RB1: variants seen among roughly 807,000 people sequenced by gnomAD.
RB1 encodes RB transcriptional corepressor 1.
In RB1, 18 loss-of-function variants were observed where a neutral mutation model predicts 135.4. The observed-to-expected ratio is 0.13, with a 90% confidence interval of 0.09 to 0.20. The LOEUF is 0.20. RB1 is among the 10% of genes least tolerant of loss of function. The pLI, the probability that RB1 is intolerant of heterozygous loss-of-function variation, is 1.00. For missense variants in RB1, 868 were observed against 1,110.0 expected, an observed-to-expected ratio of 0.78 and a Z score of 3.10; for synonymous variants, 365 against 373.2, an observed-to-expected ratio of 0.98 and a Z score of 0.25.
intron 17 of RB1, among the ~76,000 whole-genome samples, chr13:48,449,225 G>T (rs986870667): frequency 6.6e-6 from 1 of 151,412 alleles, no homozygotes; most frequent in Non-Finnish European, 1.5e-5. Flanking sequence ...GGAAATATTT[G>T]ATTGCCACTC....
At chr13:48,413,650 C>T (rs547980115) in intron 17 of RB1, among the ~76,000 whole-genome samples, 2 of 152,244 alleles carry the variant, frequency 1.3e-5, no homozygotes, top group African/African-American at 4.8e-5. Context: ...TCCTGGGTCT[C>T]ATTAGTTTTT....
In RB1 at chr13:48,480,291, T is replaced by A. The variant is rs1949530829; in HGVS notation, c.*220T>A. 1 of 566,580 alleles carries A rather than the reference T, an allele frequency of 1.8e-6. No individual in the cohort carries two copies. Among genetic ancestry groups the A allele is most frequent in the South Asian group, 2.1e-5 (1 of 48,714 alleles). The allele number at this position is 566,580 out of a possible 1,614,324, so 35.1% of individuals were successfully genotyped here. ...TACAAGATTGAAAATCTTGTGTAAATCCTGCCATTTAAAAAGTTGTAGCAG... is the reference window on the plus strand; with the variant it reads ...TACAAGATTGAAAATCTTGTGTAAAACCTGCCATTTAAAAAGTTGTAGCAG... On this transcript the variant is annotated 3_prime_UTR_variant, in exon 27 of 27. Transcript: ENST00000267163.
intron 2 of RB1, chr13:48,317,405 A>ACCC (rs1952195103): frequency 2.7e-6 from 1 of 372,410 alleles, no homozygotes; most frequent in Non-Finnish European, 4.9e-6. Flanking sequence ...CGGTGGGTGA[A>ACCC]GTCGCTCGAG....
At chr13:48,415,762 G>C (rs1367781223) in intron 17 of RB1, 1 of 152,186 alleles carries the variant, frequency 6.6e-6, no homozygotes, top group Non-Finnish European at 1.5e-5. Context: ...TCATAAACTT[G>C]AATTTTGTTG....
intron 6 of RB1, among the ~76,000 whole-genome samples, chr13:48,356,844 T>C (rs1952596413): frequency 6.6e-6 from 1 of 152,072 alleles, no homozygotes; most frequent in Non-Finnish European, 1.5e-5. Flanking sequence ...TCTTTATGTT[T>C]GACATGTTTA....
chr13:48,354,447 GA>G (rs1308651640), intron 6 of RB1, among the ~76,000 whole-genome samples: 2 of 151,828 alleles, frequency 1.3e-5, no homozygotes, highest in African/African-American at 4.8e-5. Context: ...CAAAAAAATG[GA>G]AAAAAATTTT....
chr13:48,420,613 A>G (rs1382445419), intron 17 of RB1, among the ~76,000 whole-genome samples: 1 of 152,188 alleles, frequency 6.6e-6, no homozygotes, highest in African/African-American at 2.4e-5. Context: ...GTTTGCAGAG[A>G]CAATGATTGT....
intron 2 of RB1, chr13:48,317,466 AG>A: frequency 2.3e-6 from 1 of 429,486 alleles, no homozygotes; most frequent in Non-Finnish European, 4.2e-6. Context: ...CTTCCTGGCT[AG>A]GGGTCAGGAA....
At chr13:48,400,710 A>T (rs978813755) in intron 17 of RB1, among the ~76,000 whole-genome samples, 3 of 152,122 alleles carry the variant, frequency 2.0e-5, no homozygotes, top group African/African-American at 7.2e-5. Flanking sequence ...TCTGTATCTC[A>T]GGTTTCCTTG....
At chr13:48,416,490 C>T (rs1230154035) in intron 17 of RB1, 1 of 152,820 alleles carries the variant, frequency 6.5e-6, no homozygotes, top group Non-Finnish European at 1.5e-5. Context: ...GGGTTTCAAG[C>T]ACAAAACTGG....
rs1948523564 is a variant in RB1, at chr13:48,380,236, A to G, written c.1493A>G (p.Tyr498Cys). The change falls in exon 16 of 27, where the codon TAT (tyrosine) becomes TGT (cysteine). Residue 498 changes from tyrosine to cysteine, a missense_variant. Transcript: ENST00000267163. ...ACALEVVMAT[Y>C]SRSTSQNLDS... ...GCTCTTGAGGTTGTAATGGCCACATATAGCAGTAAGTTAAATTTTCATAAA... is the reference window on the plus strand; with the variant it reads ...GCTCTTGAGGTTGTAATGGCCACATGTAGCAGTAAGTTAAATTTTCATAAA... The G allele has an allele frequency of 6.3e-7, 1 of 1,593,794 alleles. No individual in the cohort carries two copies. Among genetic ancestry groups the G allele is most frequent in the Non-Finnish European group, 8.6e-7 (1 of 1,163,542 alleles).
intron 9 of RB1, among the ~76,000 whole-genome samples, chr13:48,366,566 T>C (rs1952701252): frequency 6.6e-6 from 1 of 152,182 alleles, no homozygotes; most frequent in Non-Finnish European, 1.5e-5. Context: ...GCATTGGTTT[T>C]TAAAGTATAA....
intron 17 of RB1, among the ~76,000 whole-genome samples, chr13:48,431,754 A>G (rs1474262948): frequency 6.6e-6 from 1 of 152,168 alleles, no homozygotes; most frequent in Non-Finnish European, 1.5e-5. Flanking sequence ...TTTTAGTTAA[A>G]CAGAAGTGGA....
chr13:48,417,955 C>A (rs1219044853), intron 17 of RB1, among the ~76,000 whole-genome samples: 3 of 152,240 alleles, frequency 2.0e-5, no homozygotes, highest in African/African-American at 7.2e-5. Flanking sequence ...GGAAAACACT[C>A]TTCAGGATAT....
At chr13:48,461,901 C>G (rs192900222) in intron 20 of RB1, among the ~76,000 whole-genome samples, 123 of 152,282 alleles carry the variant, frequency 8.1e-4, no homozygotes, top group Non-Finnish European at 1.5e-3. Context: ...GGCACGATCT[C>G]GGCTCACGGC....
In RB1 at chr13:48,319,041, G is replaced by T. The variant is rs545322326; in HGVS notation, c.264+11635G>T. The T allele has an allele frequency of 1.1e-5, 7 of 644,310 alleles. No homozygotes were observed. In the Admixed American group the frequency reaches 1.2e-4, roughly 11 times the overall value. 39.9% of individuals were successfully genotyped at this position (644,310 alleles called of 1,614,324 possible). A position where few individuals can be genotyped will look rare whatever the true frequency, so the allele number is the denominator to read the frequency against. ...GAAATGCCCAAGATTGCTTCCGCGC[G>T]CGTCAGTTCAGCGGACGTGTCTGCC... On this transcript the variant is annotated intron_variant, in intron 2 of 26. Transcript: ENST00000267163. The surrounding 1 kb of genome is among the most constrained non-coding windows in gnomAD (Gnocchi z 5.0).
At chr13:48,305,702 A>G (rs2138031280) in intron 1 of RB1, among the ~76,000 whole-genome samples, 1 of 152,350 alleles carries the variant, frequency 6.6e-6, no homozygotes, top group African/African-American at 2.4e-5. Context: ...TTGATTATCC[A>G]TACCCACAAA....
intron 23 of RB1, among the ~76,000 whole-genome samples, chr13:48,472,576 C>T (rs1949478076): frequency 6.6e-6 from 1 of 151,864 alleles, no homozygotes; most frequent in Admixed American, 6.6e-5. Context: ...CTTGCTGATC[C>T]TTAGTGAAAT....
intron 2 of RB1, among the ~76,000 whole-genome samples, chr13:48,339,873 A>G (rs747620343): frequency 2.0e-5 from 3 of 152,218 alleles, no homozygotes; most frequent in African/African-American, 4.8e-5. Flanking sequence ...AGATTGAAAA[A>G]TTTTGAATCA....
Sources: gnomAD v4.1 joint callset for allele counts (sites outside exome capture counted in the v4.1 genomes callset) on GRCh38, gnomAD v4.1.1 for gene constraint, Gnocchi (gnomAD v3.1) non-coding constraint, MANE v1.5 for transcripts, NCBI Gene and HGNC (gene_info 2026-07-23, HGNC 2026-07-21) for gene names.